GRID2: variants seen among roughly 807,000 people sequenced by gnomAD.
GRID2 encodes glutamate receptor ionotropic, delta-2.
In GRID2, 33 loss-of-function variants were observed where a neutral mutation model predicts 114.8. The observed-to-expected ratio is 0.29, with a 90% CI of 0.22 to 0.38. GRID2 has a LOEUF of 0.38. Among genes scored for constraint, GRID2 ranks in the 10% least tolerant of loss-of-function variants. The pLI is 1.00. For synonymous variants in GRID2, 505 were observed against 449.9 expected (o/e 1.12, Z -1.55); for missense variants, 1,184 against 1,257.7 (o/e 0.94, Z 0.89).
At chr4:92,653,964 G>C (rs933793027) in intron 2 of GRID2, among the ~76,000 whole-genome samples, 1 of 152,118 alleles carries the variant, frequency 6.6e-6, no homozygotes, top group African/African-American at 2.4e-5. Flanking sequence ...TTAAGGAATA[G>C]TAAAATACAC....
At chr4:93,703,327 C>T (rs1727676447) in intron 14 of GRID2, among the ~76,000 whole-genome samples, 1 of 151,916 alleles carries the variant, frequency 6.6e-6, no homozygotes, top group South Asian at 2.1e-4. Flanking sequence ...TACAGGCATC[C>T]AAAGTGTAAT....
intron 2 of GRID2, among the ~76,000 whole-genome samples, chr4:92,631,213 A>G (rs1240606777): frequency 2.6e-5 from 4 of 152,072 alleles, no homozygotes; most frequent in African/African-American, 9.7e-5. Context: ...TAGAACTCAG[A>G]TCAGTGTCCA....
chr4:92,956,111 A>G (rs1752390066), intron 2 of GRID2, among the ~76,000 whole-genome samples: 1 of 152,208 alleles, frequency 6.6e-6, no homozygotes, highest in South Asian at 2.1e-4. Flanking sequence ...AGCAAAACTG[A>G]GCAGAAGTTA....
intron 1 of GRID2, among the ~76,000 whole-genome samples, chr4:92,437,057 C>T (rs941006884): frequency 1.3e-5 from 2 of 152,032 alleles, no homozygotes; most frequent in African/African-American, 4.8e-5. Flanking sequence ...TTTTGAAGGA[C>T]AGATTCTAGT....
At chr4:93,645,373 A>G (rs1722015194) in intron 14 of GRID2, among the ~76,000 whole-genome samples, 1 of 152,144 alleles carries the variant, frequency 6.6e-6, no homozygotes, top group South Asian at 2.1e-4. Context: ...AAGGAAATGT[A>G]GGGAATATGA....
At chr4:92,332,195 G>T (rs560692138) in intron 1 of GRID2, among the ~76,000 whole-genome samples, 24 of 152,242 alleles carry the variant, frequency 1.6e-4, no homozygotes, top group Middle Eastern at 3.4e-3. Flanking sequence ...TTGGATCATG[G>T]TTTTGGTGGC....
At chr4:93,084,304 A>G (rs1730144344) in intron 2 of GRID2, among the ~76,000 whole-genome samples, 1 of 152,214 alleles carries the variant, frequency 6.6e-6, no homozygotes, top group South Asian at 2.1e-4. Flanking sequence ...TTGTAACCAT[A>G]TAATAGGAAT....
chr4:93,036,481 G>T (rs903276794), intron 2 of GRID2, among the ~76,000 whole-genome samples: 1 of 151,954 alleles, frequency 6.6e-6, no homozygotes, highest in Admixed American at 6.6e-5. Context: ...GGAAAATTAA[G>T]TTTTATTATA....
At chr4:93,555,226 C>A (rs1734199083) in intron 13 of GRID2, among the ~76,000 whole-genome samples, 1 of 152,092 alleles carries the variant, frequency 6.6e-6, no homozygotes, top group Non-Finnish European at 1.5e-5. Flanking sequence ...TTTTTTCATA[C>A]CCCAGTGGCA....
intron 2 of GRID2, among the ~76,000 whole-genome samples, chr4:92,985,341 AGCCTCAGCTGAGGACTG>A (rs1242980970): frequency 1.3e-5 from 2 of 150,672 alleles, no homozygotes; most frequent in African/African-American, 2.5e-5. Context: ...CTTCTGCCTC[AGCCTCAGCTGAGGACTG>A]GCCTCAGCTG....
chr4:93,086,881 A>G (rs1013133540), intron 3 of GRID2, among the ~76,000 whole-genome samples: 1 of 152,146 alleles, frequency 6.6e-6, no homozygotes, highest in Non-Finnish European at 1.5e-5. Flanking sequence ...GGCCTTTATA[A>G]CTTAAATGGT....
At chr4:92,602,591 G>T (rs1005050637) in intron 2 of GRID2, among the ~76,000 whole-genome samples, 4 of 151,982 alleles carry the variant, frequency 2.6e-5, no homozygotes, top group Non-Finnish European at 5.9e-5. Context: ...ACCCACAGCC[G>T]GTATCATACT....
intron 4 of GRID2, among the ~76,000 whole-genome samples, chr4:93,151,133 A>G (rs187259089): frequency 3.3e-5 from 5 of 151,400 alleles, no homozygotes; most frequent in East Asian, 3.9e-4. Context: ...AAAAAAAAAA[A>G]AAAGAAAGAA....
intron 8 of GRID2, among the ~76,000 whole-genome samples, chr4:93,250,617 A>T (rs1156639840): frequency 6.7e-6 from 1 of 148,260 alleles, no homozygotes; most frequent in African/African-American, 2.5e-5. Flanking sequence ...CAGAGAGCAA[A>T]ACTTTTCTAC....
intron 1 of GRID2, among the ~76,000 whole-genome samples, chr4:93,780,249 A>G (rs1734452657): frequency 1.3e-5 from 2 of 152,204 alleles, no homozygotes. Flanking sequence ...GAAGCTTTAA[A>G]TGGACTGAGG....
intron 1 of GRID2, among the ~76,000 whole-genome samples, chr4:92,551,293 C>T (rs549751122): frequency 3.6e-5 from 5 of 140,624 alleles, no homozygotes; most frequent in South Asian, 4.4e-4. Flanking sequence ...TGTGTGTACA[C>T]GCATTTCTTA....
intron 9 of GRID2, among the ~76,000 whole-genome samples, chr4:93,421,905 G>T (rs902338628): frequency 6.6e-6 from 1 of 151,322 alleles, no homozygotes; most frequent in Non-Finnish European, 1.5e-5. Context: ...ATTTTAGCCT[G>T]CCCAGAGGGC....
chr4:92,395,999 T>A (rs979532065), intron 1 of GRID2, among the ~76,000 whole-genome samples: 5 of 151,866 alleles, frequency 3.3e-5, no homozygotes, highest in Non-Finnish European at 7.4e-5. Flanking sequence ...ACACAGCTTT[T>A]TAAGTAATAG....
At chr4:93,306,935 C>T (rs1313509173) in intron 8 of GRID2, among the ~76,000 whole-genome samples, 3 of 152,004 alleles carry the variant, frequency 2.0e-5, no homozygotes, top group Non-Finnish European at 2.9e-5. Context: ...CGGTGGCTCA[C>T]GCCTGTAATC....
Sources: allele counts gnomAD v4.1 joint callset (sites outside exome capture counted in the v4.1 genomes callset), GRCh38; gene constraint gnomAD v4.1.1; transcripts MANE v1.5; gene names NCBI Gene and HGNC (gene_info 2026-07-23, HGNC 2026-07-21).